The following DSE variants were observed in gnomAD, a reference collection of about 807,000 sequenced individuals.
DSE encodes the protein dermatan sulfate epimerase, also known as dermatan-sulfate epimerase.
Under a neutral mutation model 84.4 loss-of-function variants are expected in DSE, and 36 were observed. The observed-to-expected ratio is 0.43, with a 90% CI of 0.33 to 0.56. DSE has a LOEUF of 0.56. Ranked by LOEUF, DSE falls within the 20% of genes least tolerant of loss-of-function variation. The pLI, the probability that DSE is intolerant of heterozygous loss-of-function variation, is 0.06. For missense variants in DSE, 862 were observed against 1,169.6 expected, an observed-to-expected ratio of 0.74 and a Z score of 3.84; for synonymous variants, 410 against 430.1, an observed-to-expected ratio of 0.95 and a Z score of 0.58.
At chr6:116,257,007 G>C (rs1482943116) in intron 1 of DSE, among the ~76,000 whole-genome samples, 2 of 152,112 alleles carry the variant, frequency 1.3e-5, no homozygotes, top group African/African-American at 2.4e-5. Context: ...ATATTTAATG[G>C]AAGTTCAAAC....
intron 3 of DSE, among the ~76,000 whole-genome samples, chr6:116,428,826 T>G (rs575728428): frequency 6.6e-6 from 1 of 152,314 alleles, no homozygotes; most frequent in Non-Finnish European, 1.5e-5. Context: ...ACTTTGAAGA[T>G]GGATAGGAGA....
chr6:116,397,025 T>G (rs1781293908), intron 1 of DSE, among the ~76,000 whole-genome samples: 1 of 152,046 alleles, frequency 6.6e-6, no homozygotes, highest in Non-Finnish European at 1.5e-5. Context: ...AAGCTGGTAG[T>G]TGAGGGATCT....
At chr6:116,265,249 T>C (rs1010218424) in intron 2 of DSE, among the ~76,000 whole-genome samples, 21 of 152,042 alleles carry the variant, frequency 1.4e-4, no homozygotes, top group African/African-American at 5.1e-4. Flanking sequence ...GGTGGGTCAC[T>C]GATGGGCACA....
At chr6:116,419,619 G>A (rs1476205128) in intron 2 of DSE, among the ~76,000 whole-genome samples, 1 of 152,228 alleles carries the variant, frequency 6.6e-6, no homozygotes, top group African/African-American at 2.4e-5. Context: ...CTGCAGCAAA[G>A]CTGGCAAATG....
intron 2 of DSE, among the ~76,000 whole-genome samples, chr6:116,261,219 C>CTTTATTTA (rs149043767): frequency 0.037 from 5,568 of 151,452 alleles, 358 homozygotes; most frequent in African/African-American, 0.13. Context: ...TTCCTAGGTA[C>CTTTATTTA]TTTATTTATT....
rs532393023 is a variant in DSE at position 116,433,519 on chromosome 6, C to T, written c.1087C>T (p.Arg363Cys). 14 of 1,576,804 alleles carry T rather than the reference C, an allele frequency of 8.9e-6. No homozygotes were observed. Among genetic ancestry groups the T allele is most frequent in the South Asian group, 1.2e-5 (1 of 86,028 alleles). ...EGPGTPSKGQ[R>C]WCTLHTEFLW... ...TCCAGGAACACCATCCAAAGGGCAG[C>T]GCTGGTGCACTCTGCACACAGAATT... is the stretch of plus-strand genomic sequence containing the variant. The change falls in exon 5 of 6, where the codon CGC (arginine) becomes TGC (cysteine). Residue 363 changes from arginine to cysteine, a missense_variant. Transcript: ENST00000644252.
intron 1 of DSE, among the ~76,000 whole-genome samples, chr6:116,373,634 G>C (rs1779748341): frequency 6.6e-6 from 1 of 152,140 alleles, no homozygotes; most frequent in Admixed American, 6.6e-5. Flanking sequence ...AGATTTTATG[G>C]GCTGTCCGGT....
At chr6:116,426,350 T>A (rs1344603562) in intron 2 of DSE, among the ~76,000 whole-genome samples, 2 of 152,224 alleles carry the variant, frequency 1.3e-5, no homozygotes, top group Admixed American at 6.5e-5. Flanking sequence ...AACATCTCGA[T>A]GTTGCCAGAA....
intron 1 of DSE, among the ~76,000 whole-genome samples, chr6:116,396,615 G>GA (rs1781265547): frequency 6.6e-6 from 1 of 152,212 alleles, no homozygotes; most frequent in South Asian, 2.1e-4. Context: ...TTGGCATGTT[G>GA]AGATGGCATC....
At chr6:116,410,997 C>G (rs1306204580) in intron 2 of DSE, among the ~76,000 whole-genome samples, 2 of 151,898 alleles carry the variant, frequency 1.3e-5, no homozygotes, top group African/African-American at 2.4e-5. Context: ...ATACTTGGAG[C>G]TATTGAGGAA....
chr6:116,285,312 TG>T (rs1773821229), intron 2 of DSE, among the ~76,000 whole-genome samples: 1 of 152,258 alleles, frequency 6.6e-6, no homozygotes, highest in Non-Finnish European at 1.5e-5. Flanking sequence ...GCTGTATAAA[TG>T]TCTTCTTTTG....
exon 2 of DSE, chr6:116,258,480 A>G (rs879058011): frequency 9.7e-7 from 1 of 1,030,054 alleles, no homozygotes. Flanking sequence ...TTATTGGGCA[A>G]CAGCTGGGAA....
intron 2 of DSE, among the ~76,000 whole-genome samples, chr6:116,357,328 C>T (rs914490883): frequency 2.0e-5 from 3 of 152,000 alleles, no homozygotes; most frequent in South Asian, 2.1e-4. Flanking sequence ...GTCAGGAGAT[C>T]GAGACCATCC....
chr6:116,354,764 G>A (rs1778488209), intron 2 of DSE, among the ~76,000 whole-genome samples: 1 of 151,898 alleles, frequency 6.6e-6, no homozygotes, highest in Non-Finnish European at 1.5e-5. Flanking sequence ...TTTTCCCACA[G>A]TTTTTCCTGT....
chr6:116,324,737 G>A (rs1397953077), intron 2 of DSE, among the ~76,000 whole-genome samples: 1 of 152,098 alleles, frequency 6.6e-6, no homozygotes, highest in African/African-American at 2.4e-5. Flanking sequence ...GGAAAGAACA[G>A]GCTTCCATTT....
At chr6:116,330,387 C>T (rs891440304) in intron 2 of DSE, among the ~76,000 whole-genome samples, 2 of 152,016 alleles carry the variant, frequency 1.3e-5, no homozygotes, top group African/African-American at 2.4e-5. Context: ...CCACTGCATG[C>T]GTCTATTCAT....
intron 2 of DSE, among the ~76,000 whole-genome samples, chr6:116,305,989 A>G (rs1775321208): frequency 6.6e-6 from 1 of 152,222 alleles, no homozygotes; most frequent in African/African-American, 2.4e-5. Context: ...ATTAAGAGAT[A>G]AAGGGATTAA....
intron 2 of DSE, chr6:116,278,636 C>T: frequency 1.2e-6 from 2 of 1,614,148 alleles, no homozygotes; most frequent in Non-Finnish European, 1.7e-6. Flanking sequence ...GGCCACAGAT[C>T]CTCTTTAATA....
rs377370743 is a variant in DSE, at chr6:116,444,188, C to T, written c.*6843C>T. On this transcript the variant is annotated 3_prime_UTR_variant, in exon 6 of 6. Coordinates refer to ENST00000644252, the MANE Select transcript of DSE (RefSeq NM_013352.4). ...ACAAAAAGGACTGATGAAAGGGAGA[C>T]GTGATTCTTTTGAAAGATTAATTCA... is the stretch of plus-strand genomic sequence containing the variant. The T allele has an allele frequency of 3.3e-5, 5 of 152,268 alleles. No homozygotes were observed. The highest frequency in any genetic ancestry group is 9.6e-5 in the African/African-American group (4 of 41,548). 9.4% of individuals were successfully genotyped at this position (152,268 alleles called of 1,614,324 possible).
Sources: gnomAD v4.1 joint callset for allele counts (sites outside exome capture counted in the v4.1 genomes callset) on GRCh38, gnomAD v4.1.1 for gene constraint, MANE v1.5 for transcripts, NCBI Gene and HGNC (gene_info 2026-07-23, HGNC 2026-07-21) for gene names.